ROBO2: variants seen among roughly 807,000 people sequenced by gnomAD.
ROBO2 encodes roundabout homolog 2.
In ROBO2, 53 loss-of-function variants were observed where a neutral mutation model predicts 160.8. The ratio of observed to expected loss-of-function variants is 0.33; its 90% confidence interval spans 0.26 to 0.41. The LOEUF is 0.41. Ranked by LOEUF, ROBO2 falls within the 10% of genes least tolerant of loss-of-function variation. The probability of loss-of-function intolerance (pLI) is 1.00; values close to 1 mark genes in which losing one functional copy is unlikely to be tolerated. For synonymous variants in ROBO2, 664 were observed against 611.7 expected (o/e 1.09, Z -1.26); for missense variants, 1,577 against 1,722.4 (o/e 0.92, Z 1.49).
chr3:77,028,861 T>G (rs2063140409), intron 2 of ROBO2, among the ~76,000 whole-genome samples: 1 of 152,176 alleles, frequency 6.6e-6, no homozygotes, highest in Non-Finnish European at 1.5e-5. Flanking sequence ...TACCTTTTAT[T>G]GTGTGTGTGT....
chr3:77,061,820 G>A (rs1472660395), intron 1 of ROBO2, among the ~76,000 whole-genome samples: 3 of 152,162 alleles, frequency 2.0e-5, no homozygotes, highest in Non-Finnish European at 4.4e-5. Flanking sequence ...TAGGGACAAA[G>A]CATTTTCTAT....
chr3:76,063,186 A>G (rs1315557992), intron 2 of ROBO2, among the ~76,000 whole-genome samples: 1 of 152,146 alleles, frequency 6.6e-6, no homozygotes, highest in Non-Finnish European at 1.5e-5. Flanking sequence ...TCTGGCAGCT[A>G]TGCAAAAGTT....
intron 2 of ROBO2, among the ~76,000 whole-genome samples, chr3:76,653,209 A>G (rs2091333089): frequency 6.6e-6 from 1 of 152,000 alleles, no homozygotes. Context: ...ATTCATTCAT[A>G]AAACCTATAT....
At chr3:75,940,302 A>G (rs1300507769) in intron 2 of ROBO2, among the ~76,000 whole-genome samples, 5 of 152,308 alleles carry the variant, frequency 3.3e-5, no homozygotes, top group Non-Finnish European at 5.9e-5. Context: ...AAATGATATA[A>G]GAAATGCAGT....
intron 2 of ROBO2, among the ~76,000 whole-genome samples, chr3:76,194,355 T>TATATAC (rs1270661720): frequency 3.6e-5 from 3 of 82,262 alleles, no homozygotes; most frequent in Non-Finnish European, 4.5e-5. Flanking sequence ...GGTGTGTAAA[T>TATATAC]ATATATATAT....
intron 2 of ROBO2, among the ~76,000 whole-genome samples, chr3:76,499,454 A>C (rs534702799): frequency 5.9e-5 from 9 of 152,318 alleles, no homozygotes; most frequent in African/African-American, 1.9e-4. Flanking sequence ...TCTGGAGAAT[A>C]CACTCCACTT....
chr3:76,265,526 A>C (rs1478235165), intron 2 of ROBO2, among the ~76,000 whole-genome samples: 2 of 152,160 alleles, frequency 1.3e-5, no homozygotes, highest in African/African-American at 2.4e-5. Context: ...ACGGTGTCAG[A>C]AAAATCACTC....
chr3:76,845,092 T>C (rs1297238006), intron 2 of ROBO2, among the ~76,000 whole-genome samples: 2 of 152,068 alleles, frequency 1.3e-5, no homozygotes, highest in East Asian at 3.9e-4. Flanking sequence ...TACAACCTAC[T>C]AGAATCTAAT....
At chr3:77,496,928 C>T (rs1405694368) in intron 5 of ROBO2, among the ~76,000 whole-genome samples, 2 of 151,996 alleles carry the variant, frequency 1.3e-5, no homozygotes, top group East Asian at 3.9e-4. Context: ...AAACTCCTGA[C>T]CTTTCTCAGT....
intron 2 of ROBO2, among the ~76,000 whole-genome samples, chr3:77,179,091 T>C (rs1353748453): frequency 2.0e-5 from 3 of 152,044 alleles, no homozygotes; most frequent in Admixed American, 1.3e-4. Context: ...CTACAAAATA[T>C]TGCTTAGAAA....
intron 2 of ROBO2, among the ~76,000 whole-genome samples, chr3:76,658,150 T>C (rs2091657931): frequency 1.3e-5 from 2 of 150,832 alleles, no homozygotes; most frequent in South Asian, 4.2e-4. Context: ...ATTTAAAAGT[T>C]ATATATTATA....
At position 77,169,905 on chromosome 3, in the gene ROBO2, G is replaced by C. The variant is rs537400088; in HGVS notation, c.388+71565G>C. Among the ~76,000 whole-genome samples the C allele has an allele frequency of 4.8e-4, 73 of 152,244 alleles. 1 individual carries two copies. Among genetic ancestry groups the C allele is most frequent in the African/African-American group, 1.7e-3 (69 of 41,538 alleles). ...CCACTGTGGTCGTCCTGGGGTCTCT[G>C]GGGGGTGGGATGGCATCTGACAGTG... is the stretch of plus-strand genomic sequence containing the variant. On this transcript the variant is annotated intron_variant, in intron 2 of 25. Coordinates refer to ENST00000461745, the Ensembl canonical transcript of ROBO2.
chr3:76,546,394 T>TCTTAATCCTTAGAA (rs2083099242), intron 2 of ROBO2, among the ~76,000 whole-genome samples: 6 of 151,894 alleles, frequency 4.0e-5, no homozygotes, highest in Admixed American at 3.9e-4. Context: ...GATGCCTATG[T>TCTTAATCCTTAGAA]CTTAATCCTT....
chr3:76,727,778 A>C (rs1257677485), intron 2 of ROBO2, among the ~76,000 whole-genome samples: 1 of 152,264 alleles, frequency 6.6e-6, no homozygotes, highest in Non-Finnish European at 1.5e-5. Flanking sequence ...GTAAAGAGAA[A>C]GTGGTTAATG....
chr3:75,945,252 C>G (rs540381127), intron 2 of ROBO2, among the ~76,000 whole-genome samples: 2 of 152,106 alleles, frequency 1.3e-5, no homozygotes, highest in East Asian at 3.9e-4. Context: ...GAAAAGTAAT[C>G]CTGGATGGGG....
At chr3:77,555,340 C>T (rs541274961) in intron 8 of ROBO2, among the ~76,000 whole-genome samples, 2 of 151,944 alleles carry the variant, frequency 1.3e-5, no homozygotes, top group African/African-American at 2.4e-5. Context: ...GCCTGTATTC[C>T]GTTTAGAGCA....
intron 2 of ROBO2, among the ~76,000 whole-genome samples, chr3:76,727,006 C>T (rs2093562657): frequency 6.6e-6 from 1 of 152,110 alleles, no homozygotes; most frequent in Admixed American, 6.6e-5. Context: ...TCCCAATGAT[C>T]GAGTCATTAC....
intron 2 of ROBO2, among the ~76,000 whole-genome samples, chr3:76,038,767 CGTGTGTGTGTGT>C (rs66489028): frequency 2.0e-5 from 3 of 148,228 alleles, no homozygotes; most frequent in African/African-American, 4.9e-5. Context: ...TGGAAAACTG[CGTGTGTGTGTGT>C]GTGTGTGTGT....
chr3:76,796,234 C>A (rs2063682619), intron 2 of ROBO2, among the ~76,000 whole-genome samples: 1 of 152,036 alleles, frequency 6.6e-6, no homozygotes, highest in Non-Finnish European at 1.5e-5. Context: ...CTATGAGAGT[C>A]TTAGGTGGTA....
Sources: gnomAD v4.1 joint callset for allele counts (sites outside exome capture counted in the v4.1 genomes callset) on GRCh38, gnomAD v4.1.1 for gene constraint, MANE v1.5 for transcripts, NCBI Gene and HGNC (gene_info 2026-07-23, HGNC 2026-07-21) for gene names.